The following CTNND2 variants were observed in gnomAD, a reference collection of about 807,000 sequenced individuals.
CTNND2 encodes catenin delta-2.
CTNND2 carries 22 observed loss-of-function variants against 144.4 expected under a neutral mutation model. That is an observed-to-expected ratio of 0.15 (90% confidence interval 0.11 to 0.22). CTNND2 has a LOEUF of 0.22. Ranked by LOEUF, CTNND2 falls within the 10% of genes least tolerant of loss-of-function variation. The pLI is 1.00. For synonymous variants in CTNND2, 751 were observed against 695.6 expected, an observed-to-expected ratio of 1.08 and a Z score of -1.25; for missense variants, 1,353 against 1,618.8, an observed-to-expected ratio of 0.84 and a Z score of 2.82.
intron 17 of CTNND2, 26 bp from the exon 18 acceptor site, chr5:11,018,084 A>T (rs1250842797): frequency 6.6e-7 from 1 of 1,509,724 alleles, no homozygotes; most frequent in Admixed American, 1.7e-5. Flanking sequence ...CAGGAAAGGC[A>T]AGATGTGAGT....
chr5:11,346,601 C>A lies in CTNND2; in HGVS notation c.1399G>T (p.Val467Phe). ...TAPSSPGVDS[V>F]PLQRTGSQHG... The stretch of plus-strand genomic sequence containing the variant: ...TGGCTGCCTGTGCGCTGCAAGGGGA[C>A]GGAGTCGACACCAGGGGAAGATGGG... Residue 467 changes from valine (V) to phenylalanine (F), a missense_variant, in exon 9 of 22, where the codon GTC becomes TTC. Val to Phe is a conservative substitution (Grantham distance 50, BLOSUM62 -1). Transcript: ENST00000304623. 6.5e-7 allele frequency: 1 copy of A among 1,548,918 alleles called. No individual in the cohort carries two copies. Among genetic ancestry groups the A allele is most frequent in the South Asian group, 1.2e-5 (1 of 82,842 alleles).
intron 19 of CTNND2, among the ~76,000 whole-genome samples, chr5:10,991,817 T>C (rs949006692): frequency 1.3e-5 from 2 of 152,258 alleles, no homozygotes; most frequent in Non-Finnish European, 2.9e-5. Context: ...ATCAGTGCTA[T>C]GTGTCAAATG....
chr5:11,317,775 T>C (rs1751658581), intron 9 of CTNND2, among the ~76,000 whole-genome samples: 1 of 152,186 alleles, frequency 6.6e-6, no homozygotes. Flanking sequence ...GACAGGATTC[T>C]CTCATGCTCA....
At chr5:11,888,087 G>T (rs1736686426) in intron 1 of CTNND2, among the ~76,000 whole-genome samples, 1 of 151,962 alleles carries the variant, frequency 6.6e-6, no homozygotes, top group Non-Finnish European at 1.5e-5. Context: ...AAGACTTGAG[G>T]GCTTCAATTT....
intron 9 of CTNND2, among the ~76,000 whole-genome samples, chr5:11,274,444 C>T (rs1333094182): frequency 1.3e-5 from 2 of 152,046 alleles, no homozygotes; most frequent in African/African-American, 2.4e-5. Context: ...TGGTAAACAA[C>T]CTGTCTCAGC....
intron 3 of CTNND2, among the ~76,000 whole-genome samples, chr5:11,492,464 A>G (rs971644916): frequency 2.7e-5 from 4 of 150,892 alleles, no homozygotes; most frequent in African/African-American, 7.3e-5. Flanking sequence ...CTTTCTGTGA[A>G]TGATTTTCAG....
At chr5:11,559,240 A>G (rs76433346) in intron 3 of CTNND2, among the ~76,000 whole-genome samples, 5,023 of 152,194 alleles carry the variant, frequency 0.033, 293 homozygotes, top group African/African-American at 0.11. Context: ...CATGCTCACA[A>G]GTGAGACTGT....
At chr5:11,598,211 T>G (rs1486072922) in intron 2 of CTNND2, among the ~76,000 whole-genome samples, 1 of 152,134 alleles carries the variant, frequency 6.6e-6, no homozygotes, top group Non-Finnish European at 1.5e-5. Flanking sequence ...CTATAATCAT[T>G]TATAGTTTTA....
chr5:10,994,123 C>T (rs949715200), intron 18 of CTNND2, among the ~76,000 whole-genome samples: 1 of 148,756 alleles, frequency 6.7e-6, no homozygotes, highest in African/African-American at 2.5e-5. Flanking sequence ...GTAAATAGGC[C>T]ACCCAAAGTC....
intron 1 of CTNND2, among the ~76,000 whole-genome samples, chr5:11,883,473 T>A (rs532401752): frequency 6.6e-6 from 1 of 152,158 alleles, no homozygotes; most frequent in South Asian, 2.1e-4. Flanking sequence ...AGAATGATGG[T>A]TTCCAGTTTC....
At chr5:11,559,312 A>C (rs1426903626) in intron 3 of CTNND2, among the ~76,000 whole-genome samples, 1 of 152,106 alleles carries the variant, frequency 6.6e-6, no homozygotes, top group Non-Finnish European at 1.5e-5. Flanking sequence ...GGGTCATGGC[A>C]CCATTGAGAC....
chr5:11,722,507 A>T (rs990729196), intron 2 of CTNND2, among the ~76,000 whole-genome samples: 5 of 152,244 alleles, frequency 3.3e-5, no homozygotes, highest in African/African-American at 1.2e-4. Context: ...TGCTGCTATG[A>T]AGAAATACCT....
At chr5:11,706,750 G>T (rs1785714537) in intron 2 of CTNND2, among the ~76,000 whole-genome samples, 1 of 151,768 alleles carries the variant, frequency 6.6e-6, no homozygotes, top group Non-Finnish European at 1.5e-5. Context: ...ATCATAATTA[G>T]TTTTTTTTGA....
At chr5:11,492,896 C>T (rs1479708388) in intron 3 of CTNND2, among the ~76,000 whole-genome samples, 1 of 151,860 alleles carries the variant, frequency 6.6e-6, no homozygotes, top group Non-Finnish European at 1.5e-5. Context: ...CATGGTGAAA[C>T]CCTGTCTCTA....
chr5:11,365,301 G>T (rs1404970217), intron 7 of CTNND2, among the ~76,000 whole-genome samples: 2 of 152,174 alleles, frequency 1.3e-5, no homozygotes, highest in Non-Finnish European at 2.9e-5. Context: ...GAGCCACAAT[G>T]GCAAAGCCAT....
At chr5:11,585,778 A>G (rs1778811137) in intron 2 of CTNND2, among the ~76,000 whole-genome samples, 1 of 141,006 alleles carries the variant, frequency 7.1e-6, no homozygotes, top group Non-Finnish European at 1.5e-5. Flanking sequence ...GTCATTGACA[A>G]GGTGACATTA....
At chr5:11,437,858 A>T (rs1243084980) in intron 3 of CTNND2, among the ~76,000 whole-genome samples, 1 of 152,202 alleles carries the variant, frequency 6.6e-6, no homozygotes. Flanking sequence ...TATAGAAGGC[A>T]GTGAGAAGAA....
intron 2 of CTNND2, among the ~76,000 whole-genome samples, chr5:11,585,758 T>G (rs937128995): frequency 6.6e-6 from 1 of 151,068 alleles, no homozygotes; most frequent in Admixed American, 6.6e-5. Context: ...GTAGAATAAT[T>G]AAGAACAGCG....
chr5:11,567,947 A>T (rs1686751237), intron 2 of CTNND2, among the ~76,000 whole-genome samples: 1 of 152,178 alleles, frequency 6.6e-6, no homozygotes, highest in Non-Finnish European at 1.5e-5. Flanking sequence ...AAGCACATTA[A>T]GTTATGTGAA....
Sources: allele counts gnomAD v4.1 joint callset (sites outside exome capture counted in the v4.1 genomes callset), GRCh38; gene constraint gnomAD v4.1.1; transcripts MANE v1.5; gene names NCBI Gene and HGNC (gene_info 2026-07-23, HGNC 2026-07-21).